PRKCB: variants seen among roughly 807,000 people sequenced by gnomAD.
The protein encoded by PRKCB is protein kinase C beta, also known as protein kinase C beta type.
In PRKCB, 13 loss-of-function variants were observed where a neutral mutation model predicts 81.5. That is an observed-to-expected ratio of 0.16 (90% CI 0.10 to 0.25). The LOEUF (loss-of-function observed/expected upper bound fraction) is 0.25, where lower values mean the gene tolerates loss of function less well. Ranked by LOEUF, PRKCB falls within the 10% of genes least tolerant of loss-of-function variation. The pLI is 1.00. For missense variants in PRKCB, 509 were observed against 875.7 expected (o/e 0.58, Z 5.29); for synonymous variants, 335 against 321.4 (o/e 1.04, Z -0.45).
chr16:23,995,612 C>A (rs1964945726), intron 3 of PRKCB, among the ~76,000 whole-genome samples: 1 of 152,074 alleles, frequency 6.6e-6, no homozygotes. Flanking sequence ...TGGGTCTTAT[C>A]TAAACCACCG....
At chr16:23,975,405 A>G (rs535771804) in intron 2 of PRKCB, among the ~76,000 whole-genome samples, 1 of 152,156 alleles carries the variant, frequency 6.6e-6, no homozygotes, top group East Asian at 1.9e-4. Context: ...CTTTACCAGC[A>G]AGGGGAGGAT....
At chr16:23,983,948 G>T (rs1054751201) in intron 2 of PRKCB, among the ~76,000 whole-genome samples, 5 of 152,130 alleles carry the variant, frequency 3.3e-5, no homozygotes, top group Admixed American at 3.3e-4. Context: ...GTAGAATAAA[G>T]CACCTACTTG....
At chr16:23,868,498 G>A (rs1004634749) in intron 2 of PRKCB, among the ~76,000 whole-genome samples, 3 of 152,174 alleles carry the variant, frequency 2.0e-5, no homozygotes, top group African/African-American at 7.2e-5. Context: ...TTTTCACAAT[G>A]ACCTATCAGT....
intron 2 of PRKCB, among the ~76,000 whole-genome samples, chr16:23,955,846 C>T (rs543140606): frequency 6.6e-6 from 1 of 152,242 alleles, no homozygotes; most frequent in South Asian, 2.1e-4. Flanking sequence ...GAGCTTTGTC[C>T]CTGCACTGAC....
In PRKCB at chr16:24,215,344, T is replaced by C; in HGVS notation, c.*528T>C. On this transcript the variant is annotated 3_prime_UTR_variant, in exon 17 of 17. Coordinates refer to ENST00000643927, the MANE Select transcript of PRKCB (RefSeq NM_002738.7). ...AATGTTATCTGTTATTTTTGTAAAC[T>C]CAAAGTTAAGATGATCAAAGTTCTA... 1 of 986,270 alleles carries C rather than the reference T, an allele frequency of 1.0e-6. No individual in the cohort carries two copies. The allele number at this position is 986,270 out of a possible 1,614,324, so 61.1% of individuals were successfully genotyped here. A position where few individuals can be genotyped will look rare whatever the true frequency, so the allele number is the denominator to read the frequency against.
intron 9 of PRKCB, among the ~76,000 whole-genome samples, chr16:24,148,007 A>G (rs1463533968): frequency 6.6e-6 from 1 of 152,050 alleles, no homozygotes; most frequent in Non-Finnish European, 1.5e-5. Context: ...TGGTGGCTGG[A>G]TCTCTGTGAT....
At chr16:23,843,733 G>A (rs1962308578) in intron 2 of PRKCB, among the ~76,000 whole-genome samples, 1 of 138,724 alleles carries the variant, frequency 7.2e-6, no homozygotes, top group African/African-American at 2.8e-5. Flanking sequence ...AAGCACTAAT[G>A]ATACTCCAGA....
intron 2 of PRKCB, among the ~76,000 whole-genome samples, chr16:23,916,632 C>T (rs73538849): frequency 0.015 from 2,219 of 152,236 alleles, 54 homozygotes; most frequent in African/African-American, 0.05. Context: ...TCATAATGTA[C>T]ATGCACATCA....
intron 2 of PRKCB, among the ~76,000 whole-genome samples, chr16:23,838,785 C>A (rs1962213128): frequency 6.6e-6 from 1 of 152,180 alleles, no homozygotes; most frequent in Non-Finnish European, 1.5e-5. Context: ...CTTCTGAGAT[C>A]GGGGTCCCGG....
In PRKCB at chr16:23,836,356, C is replaced by T; in HGVS notation, c.173+8C>T. 1 of 1,599,498 alleles carries T rather than the reference C, an allele frequency of 6.3e-7. No homozygotes were observed. Among genetic ancestry groups the T allele is most frequent in the Non-Finnish European group, 8.5e-7 (1 of 1,173,970 alleles). ...CTGCACCGACTTCATCTGGTGAGCGCGCGCGCGCAGGGCACCTTCCCGGGC... is the reference window on the plus strand; with the variant it reads ...CTGCACCGACTTCATCTGGTGAGCGTGCGCGCGCAGGGCACCTTCCCGGGC... On this transcript the variant is annotated splice_region_variant and intron_variant, in intron 1 of 16. Transcript: ENST00000643927.
intron 15 of PRKCB, among the ~76,000 whole-genome samples, chr16:24,188,995 A>G (rs979350009): frequency 6.6e-6 from 1 of 152,158 alleles, no homozygotes; most frequent in Non-Finnish European, 1.5e-5. Flanking sequence ...ATCAGTGTGA[A>G]CCAAAACCTC....
At chr16:24,025,909 C>T (rs757908483) in intron 3 of PRKCB, among the ~76,000 whole-genome samples, 26 of 152,158 alleles carry the variant, frequency 1.7e-4, no homozygotes, top group Non-Finnish European at 3.5e-4. Context: ...TTCATTGTTG[C>T]TAAAATGGGA....
Position 23,837,401 on chromosome 16 carries a change from G to A in PRKCB, c.200G>A (p.Cys67Tyr). Residue 67 changes from cysteine (C) to tyrosine (Y), a missense_variant, in exon 2 of 17, where the codon TGC (cysteine) becomes TAC (tyrosine). By Grantham distance (194) the Cys-to-Tyr change is radical. This residue lies in a region of PRKCB where 184 missense variants were observed against 362.9 expected (regional missense o/e 0.51). Coordinates refer to ENST00000643927, the MANE Select transcript of PRKCB (RefSeq NM_002738.7). ...IWGFGKQGFQ[C>Y]QVCCFVVHKR... ...GGCTTCGGGAAGCAGGGATTCCAGT[G>A]CCAAGGTAGGCTCTGGGGCTTTGGG... 6.2e-7 allele frequency: 1 copy of A among 1,612,746 alleles called. No individual in the cohort carries two copies. Among genetic ancestry groups the A allele is most frequent in the South Asian group, 1.1e-5 (1 of 91,010 alleles).
intron 2 of PRKCB, among the ~76,000 whole-genome samples, chr16:23,840,986 A>G (rs866901689): frequency 1.3e-5 from 2 of 152,168 alleles, no homozygotes; most frequent in African/African-American, 4.8e-5. Context: ...GAAGATCCCT[A>G]TTGTAAAATT....
Position 24,217,101 on chromosome 16 carries a change from GAA to G in PRKCB, c.*2287_*2288del. ...TGAATGGAAAGAGAAAGAAAGGAAAGAAAGAAGAAAAAGAAAGAAGGAAAGAA... is the reference window on the plus strand; with the variant it reads ...TGAATGGAAAGAGAAAGAAAGGAAAGAGAAGAAAAAGAAAGAAGGAAAGAA... On this transcript the variant is annotated 3_prime_UTR_variant, in exon 17 of 17. Transcript: ENST00000643927. 2 of 979,714 alleles carry G rather than the reference GAA, an allele frequency of 2.0e-6. No homozygotes were observed. Among genetic ancestry groups the G allele is most frequent in the Non-Finnish European group, 2.4e-6 (2 of 828,298 alleles). 60.7% of individuals were successfully genotyped at this position (979,714 alleles called of 1,614,324 possible).
rs542150413 is a variant in PRKCB, at chr16:24,179,229, T to C, written c.1395-1561T>C. Among the ~76,000 whole-genome samples the C allele has an allele frequency of 8.5e-5, 13 of 152,362 alleles. No individual in the cohort carries two copies. The South Asian group carries it at 2.7e-3, about 32-fold the overall frequency. On this transcript the variant is annotated intron_variant, in intron 12 of 16. Transcript: ENST00000643927. ...TGACCAGCAGGATGGAATATTTCCATTGGCTGGGACAGGCCCACTTGACCA... is the reference window on the plus strand; with the variant it reads ...TGACCAGCAGGATGGAATATTTCCACTGGCTGGGACAGGCCCACTTGACCA...
At chr16:23,851,718 C>T (rs555703778) in intron 2 of PRKCB, among the ~76,000 whole-genome samples, 8 of 152,238 alleles carry the variant, frequency 5.3e-5, no homozygotes, top group South Asian at 4.1e-4. Context: ...TCCATGAACA[C>T]GGAATATCTT....
chr16:23,881,965 C>CCTTTCTTTCTTTCTTT (rs1192906884), intron 2 of PRKCB, among the ~76,000 whole-genome samples: 8 of 70,102 alleles, frequency 1.1e-4, no homozygotes, highest in African/African-American at 2.2e-4. Flanking sequence ...TTTTTCTTTT[C>CCTTTCTTTCTTTCTTT]CTTTCTTTCT....
At chr16:24,160,270 T>C (rs187446895) in intron 10 of PRKCB, among the ~76,000 whole-genome samples, 193 of 152,006 alleles carry the variant, frequency 1.3e-3, no homozygotes, top group Non-Finnish European at 2.0e-3. Flanking sequence ...TAGATAAGAT[T>C]TTATCCATGG....
Sources: allele counts gnomAD v4.1 joint callset (sites outside exome capture counted in the v4.1 genomes callset), GRCh38; gene constraint gnomAD v4.1.1; regional missense constraint gnomAD v4.1.1; transcripts MANE v1.5; gene names NCBI Gene and HGNC (gene_info 2026-07-23, HGNC 2026-07-21).